Variants in ACOXL observed in about 807,000 individuals in gnomAD.
ACOXL encodes the protein acyl-coenzyme A oxidase-like protein.
ACOXL carries 70 observed loss-of-function variants against 71.9 expected under a neutral mutation model. The observed-to-expected ratio is 0.97, with a 90% CI of 0.80 to 1.19. ACOXL has a LOEUF of 1.19. Among genes scored for constraint, ACOXL ranks in the 50% most tolerant of loss-of-function variants. The pLI is 0.00. For synonymous variants in ACOXL, 253 were observed against 281.6 expected (o/e 0.90, Z 1.02); for missense variants, 703 against 736.3 (o/e 0.95, Z 0.52).
chr2:111,000,602 C>G (rs2063580592), intron 14 of ACOXL, among the ~76,000 whole-genome samples: 1 of 152,218 alleles, frequency 6.6e-6, no homozygotes, highest in South Asian at 2.1e-4. Context: ...GCCCTGCTCC[C>G]TCTGAGACCC....
At chr2:110,992,117 G>A (rs2063199121) in intron 13 of ACOXL, among the ~76,000 whole-genome samples, 1 of 152,148 alleles carries the variant, frequency 6.6e-6, no homozygotes, top group Non-Finnish European at 1.5e-5. Flanking sequence ...TATATCCCTA[G>A]CACATTTTCC....
chr2:111,049,372 G>A (rs1216831624), intron 16 of ACOXL, 84 bp downstream of exon 16: 2 of 1,089,550 alleles, frequency 1.8e-6, no homozygotes. Flanking sequence ...TTACAAGCGG[G>A]AGTAAATTTA....
intron 1 of ACOXL, among the ~76,000 whole-genome samples, chr2:110,747,355 A>T (rs184760871): frequency 2.0e-5 from 3 of 152,304 alleles, no homozygotes; most frequent in Non-Finnish European, 4.4e-5. Flanking sequence ...GCAAGCCAGC[A>T]GACTCAGCCA....
chr2:110,793,596 G>T, intron 3 of ACOXL, 54 bp from the exon 4 acceptor site: 1 of 1,528,454 alleles, frequency 6.5e-7, no homozygotes, highest in Non-Finnish European at 9.1e-7. Context: ...GGATTTAATT[G>T]TCTTTAGATT....
chr2:111,084,823 C>G lies in ACOXL; in HGVS notation c.1441-8042C>G, dbSNP rs536138686. Among the ~76,000 whole-genome samples, 5 of 151,358 alleles carry G rather than the reference C, an allele frequency of 3.3e-5. No individual in the cohort carries two copies. The East Asian group carries it at 9.7e-4, about 29-fold the overall frequency. Reference sequence around the variant, plus strand: ...CAATAGTATGCTGTCTTCAAGAAACCCATCTCACATGCAATGACACCCATA... The same window carrying G: ...CAATAGTATGCTGTCTTCAAGAAACGCATCTCACATGCAATGACACCCATA... On this transcript the variant is annotated intron_variant, in intron 16 of 17. Coordinates refer to ENST00000439055, the MANE Select transcript of ACOXL (RefSeq NM_001142807.4).
At chr2:111,086,664 A>G (rs1471286259) in intron 16 of ACOXL, among the ~76,000 whole-genome samples, 1 of 152,292 alleles carries the variant, frequency 6.6e-6, no homozygotes, top group East Asian at 1.9e-4. Context: ...ACTTGAACAT[A>G]GTAAGAGTCA....
At chr2:111,029,918 C>T (rs759689012) in intron 14 of ACOXL, among the ~76,000 whole-genome samples, 7 of 152,070 alleles carry the variant, frequency 4.6e-5, no homozygotes, top group Non-Finnish European at 1.0e-4. Context: ...TTGCACAGGG[C>T]TTTCTGCAAA....
intron 13 of ACOXL, among the ~76,000 whole-genome samples, chr2:110,993,816 C>T (rs1384864287): frequency 1.3e-5 from 2 of 152,200 alleles, no homozygotes; most frequent in Non-Finnish European, 2.9e-5. Flanking sequence ...TAATTGTAGT[C>T]ATTCTGGTGG....
chr2:110,846,049 C>T (rs1331141243), intron 10 of ACOXL, among the ~76,000 whole-genome samples: 3 of 152,062 alleles, frequency 2.0e-5, no homozygotes, highest in African/African-American at 7.2e-5. Context: ...TCATGTTGAC[C>T]CCAAACCCAG....
At chr2:110,802,840 A>G (rs1417403402) in intron 8 of ACOXL, among the ~76,000 whole-genome samples, 2 of 152,194 alleles carry the variant, frequency 1.3e-5, no homozygotes, top group Non-Finnish European at 1.5e-5. Context: ...ATAGTTAACA[A>G]TAATGTGTTG....
chr2:110,943,887 C>A (rs1343009625), intron 12 of ACOXL, among the ~76,000 whole-genome samples: 1 of 100,220 alleles, frequency 1.0e-5, no homozygotes, highest in Non-Finnish European at 2.2e-5. Flanking sequence ...TGTGTAGATA[C>A]CTTTATTAGT....
intron 14 of ACOXL, among the ~76,000 whole-genome samples, chr2:111,022,635 C>T (rs776874709): frequency 2.0e-5 from 3 of 152,064 alleles, no homozygotes; most frequent in Admixed American, 6.5e-5. Flanking sequence ...GGAAGGCAGC[C>T]GCGTGTTCTG....
chr2:110,886,934 G>A (rs950468787), intron 10 of ACOXL: 21 of 1,496,890 alleles, frequency 1.4e-5, no homozygotes, highest in South Asian at 2.4e-5. Flanking sequence ...GGGTTTTCCC[G>A]TGGCAGATCC....
rs879188683 is a variant in ACOXL, at chr2:110,968,168, G to C, written c.1060-18940G>C. ...CTGCTGGCCCGCAGGCTTCTCAATA[G>C]GTTTGGCACAGACAACATCTATGAA... is the stretch of plus-strand genomic sequence containing the variant. On this transcript the variant is annotated intron_variant, in intron 12 of 17. Coordinates refer to ENST00000439055, the MANE Select transcript of ACOXL (RefSeq NM_001142807.4). The C allele has an allele frequency of 3.4e-5, 41 of 1,207,662 alleles. 1 individual carries two copies. In the South Asian group the frequency reaches 4.9e-4, roughly 15 times the overall value. The allele number at this position is 1,207,662 out of a possible 1,614,324, so 74.8% of individuals were successfully genotyped here.
chr2:110,818,421 ATATGTGTGTGTGTG>A (rs1688192168), intron 9 of ACOXL, among the ~76,000 whole-genome samples: 3 of 142,514 alleles, frequency 2.1e-5, no homozygotes, highest in Admixed American at 7.1e-5. Flanking sequence ...ATATATATAT[ATATGTGTGTGTGTG>A]TGTGTGTGTG....
intron 2 of ACOXL, among the ~76,000 whole-genome samples, chr2:110,779,175 G>A (rs1367648114): frequency 6.6e-6 from 1 of 152,214 alleles, no homozygotes; most frequent in African/African-American, 2.4e-5. Flanking sequence ...CATCAATCCT[G>A]CACTGGGCTT....
chr2:110,810,814 A>T (rs1687231815), intron 9 of ACOXL, among the ~76,000 whole-genome samples: 1 of 152,266 alleles, frequency 6.6e-6, no homozygotes, highest in African/African-American at 2.4e-5. Flanking sequence ...ACACTGGTTA[A>T]TTTATAAAGA....
chr2:110,984,192 A>C (rs2062833715), intron 12 of ACOXL, among the ~76,000 whole-genome samples: 1 of 152,138 alleles, frequency 6.6e-6, no homozygotes, highest in South Asian at 2.1e-4. Context: ...GGAGAGAATC[A>C]TTCTATGCGC....
intron 16 of ACOXL, among the ~76,000 whole-genome samples, chr2:111,064,464 T>C (rs1432250226): frequency 6.7e-6 from 1 of 148,914 alleles, no homozygotes; most frequent in Non-Finnish European, 1.5e-5. Context: ...AAACAACAAC[T>C]ATATAGTATT....
Sources: allele counts gnomAD v4.1 joint callset (sites outside exome capture counted in the v4.1 genomes callset), GRCh38; gene constraint gnomAD v4.1.1; transcripts MANE v1.5; gene names NCBI Gene and HGNC (gene_info 2026-07-23, HGNC 2026-07-21).